PRKDC: variants seen among roughly 807,000 people sequenced by gnomAD.
The protein encoded by PRKDC is DNA-dependent protein kinase catalytic subunit.
A neutral mutation model predicts 486.9 loss-of-function variants in PRKDC; 82 were observed. That is an observed-to-expected ratio of 0.17 (90% CI 0.14 to 0.20). The LOEUF (loss-of-function observed/expected upper bound fraction) is 0.20. Among genes scored for constraint, PRKDC ranks in the 10% least tolerant of loss-of-function variants. The pLI is 1.00. For missense variants in PRKDC, 4,504 were observed against 5,038.2 expected (o/e 0.89, Z 3.21); for synonymous variants, 1,895 against 1,837.0 (o/e 1.03, Z -0.81).
chr8:47,924,152 C>G (rs2090119356), intron 21 of PRKDC, among the ~76,000 whole-genome samples: 1 of 152,162 alleles, frequency 6.6e-6, no homozygotes, highest in Admixed American at 6.5e-5. Context: ...CCCCATCATG[C>G]TTTGAATAGG....
rs8178236 is a variant in PRKDC, at chr8:47,785,114, G to C, written c.11106C>G (p.Pro3702=). ...VEFLRNELEI[P]GQYDGRGKPL... is the part of the protein sequence containing the mutation. ...TGTCACCCCTGGAGGTTAACTCACC[G>C]GGAATCTCCAGCTCATTTCTCAGGA... Residue 3702 remains proline, a splice_region_variant and synonymous_variant, in exon 77 of 86, where the codon CCC becomes CCG. Transcript: ENST00000314191. The C allele has an allele frequency of 7.0e-5, 113 of 1,613,668 alleles. No homozygotes were observed. Among genetic ancestry groups the C allele is most frequent in the Non-Finnish European group, 9.6e-5 (113 of 1,179,822 alleles).
In PRKDC at chr8:47,807,188, C is replaced by T. The variant is rs751793819; in HGVS notation, c.9696G>A (p.Arg3232=). 2 of 1,613,786 alleles carry T rather than the reference C, an allele frequency of 1.2e-6. No individual in the cohort carries two copies. Among genetic ancestry groups the T allele is most frequent in the African/African-American group, 1.3e-5 (1 of 74,940 alleles). ...EQEEDISSLI[R]SCKFSMKMKM... ...TCATTTTCATGGAAAACTTGCAACT[C>T]CTGATCAGGGAGCTGATATCTTCTT... The change falls in exon 69 of 86, where the codon AGG becomes AGA. Residue 3232 remains arginine, a synonymous_variant. Coordinates refer to ENST00000314191, the MANE Select transcript of PRKDC (RefSeq NM_006904.7).
intron 33 of PRKDC, 53 bp downstream of exon 33, chr8:47,888,961 T>C (rs2089395282): frequency 6.5e-7 from 1 of 1,545,578 alleles, no homozygotes; most frequent in African/African-American, 1.4e-5. Flanking sequence ...GGCAACATAC[T>C]AGGGCCTGAA....
intron 81 of PRKDC, 91 bp downstream of exon 81, chr8:47,778,913 T>C: frequency 2.1e-6 from 3 of 1,432,362 alleles, no homozygotes; most frequent in South Asian, 1.3e-5. Context: ...CTTGATGATC[T>C]CTCTGAGGCA....
chr8:47,788,814 CATTT>C, intron 76 of PRKDC, 88 bp downstream of exon 76: 1 of 1,205,942 alleles, frequency 8.3e-7, no homozygotes. Context: ...TTAATGATTA[CATTT>C]AATACAAATA....
intron 40 of PRKDC, among the ~76,000 whole-genome samples, chr8:47,866,114 C>T (rs1369886809): frequency 6.8e-6 from 1 of 146,000 alleles, no homozygotes; most frequent in Non-Finnish European, 1.5e-5. Context: ...TGAGATCACA[C>T]CATTGTACTC....
rs8178120 is a variant in PRKDC, at chr8:47,877,834, T to C, written c.5253A>G (p.Glu1751=). Residue 1751 remains glutamate (E), a synonymous_variant, in exon 40 of 86, where the codon GAA becomes GAG. Coordinates refer to ENST00000314191, the MANE Select transcript of PRKDC (RefSeq NM_006904.7). ...DCMKKFLDAL[E]LSQSPMLLEL... is the part of the protein sequence containing the mutation. Reference sequence around the variant, plus strand: ...CCAACAACATAGGGCTTTGAGATAATTCCAATGCATCTAGAAACTAGAAAA... The same window carrying C: ...CCAACAACATAGGGCTTTGAGATAACTCCAATGCATCTAGAAACTAGAAAA... The C allele has an allele frequency of 1.1e-4, 168 of 1,527,010 alleles. No individual in the cohort carries two copies. The highest frequency in any genetic ancestry group is 1.5e-4 in the Non-Finnish European group (167 of 1,134,658). The allele number at this position is 1,527,010 out of a possible 1,614,324, so 94.6% of individuals were successfully genotyped here. A position where few individuals can be genotyped will look rare whatever the true frequency, so the allele number is the denominator to read the frequency against.
At chr8:47,919,169 C>G (rs1427649924) in intron 21 of PRKDC, among the ~76,000 whole-genome samples, 3 of 152,186 alleles carry the variant, frequency 2.0e-5, no homozygotes. Context: ...ACTCCGAGTT[C>G]AGCATTCACC....
intron 2 of PRKDC, 43 bp downstream of exon 2, chr8:47,957,312 C>CCTCTTA: frequency 6.3e-7 from 1 of 1,583,508 alleles, no homozygotes; most frequent in Non-Finnish European, 8.6e-7. Flanking sequence ...AGGAGTCACT[C>CCTCTTA]CAGGAATATA....
chr8:47,876,916 G>A (rs1376888677), intron 40 of PRKDC, among the ~76,000 whole-genome samples: 3 of 152,130 alleles, frequency 2.0e-5, no homozygotes, highest in Non-Finnish European at 4.4e-5. Flanking sequence ...CATGCACATG[G>A]CTAGTCAATC....
At chr8:47,923,333 G>T (rs757595676) in intron 21 of PRKDC, among the ~76,000 whole-genome samples, 1 of 152,184 alleles carries the variant, frequency 6.6e-6, no homozygotes, top group Non-Finnish European at 1.5e-5. Context: ...TTACAGGCGT[G>T]AGCCACTGTG....
At position 47,940,861 on chromosome 8, in the gene PRKDC, T is replaced by C. The variant is rs186093090; in HGVS notation, c.967-1164A>G. Among the ~76,000 whole-genome samples, 551 of 152,276 alleles carry C rather than the reference T, an allele frequency of 3.6e-3. 5 individuals carry two copies. The highest frequency in any genetic ancestry group is 0.014 in the Middle Eastern group (4 of 294). On this transcript the variant is annotated intron_variant, in intron 10 of 85. Transcript: ENST00000314191. ...CACTGAAAATTAATCACACAGATGTTGGCCGGGCGCAGTAGCTCACGCCTG... is the reference window on the plus strand; with the variant it reads ...CACTGAAAATTAATCACACAGATGTCGGCCGGGCGCAGTAGCTCACGCCTG...
At chr8:47,815,364 A>G (rs2087421327) in intron 68 of PRKDC, among the ~76,000 whole-genome samples, 1 of 152,208 alleles carries the variant, frequency 6.6e-6, no homozygotes, top group Non-Finnish European at 1.5e-5. Flanking sequence ...GGCTAGATAG[A>G]TATCTATATG....
intron 9 of PRKDC, 27 bp downstream of exon 9, chr8:47,943,826 T>C: frequency 6.5e-7 from 1 of 1,527,880 alleles, no homozygotes; most frequent in Non-Finnish European, 8.9e-7. Context: ...TCTAAAATAT[T>C]ATACCTCATT....
chr8:47,849,085 G>A, intron 54 of PRKDC, 69 bp downstream of exon 54: 1 of 1,544,402 alleles, frequency 6.5e-7, no homozygotes, highest in Admixed American at 1.9e-5. Context: ...TTCTTGAGTT[G>A]GAGACGTCTT....
chr8:47,818,308 C>T (rs184087674), intron 67 of PRKDC, among the ~76,000 whole-genome samples: 42 of 152,110 alleles, frequency 2.8e-4, no homozygotes, highest in Admixed American at 2.4e-3. Context: ...TGGCCAGGCA[C>T]GGTGGCTCAT....
chr8:47,882,212 T>G (rs1469787223), intron 36 of PRKDC, 115 bp from the exon 37 acceptor site: 29 of 972,508 alleles, frequency 3.0e-5, no homozygotes, highest in Non-Finnish European at 4.4e-5. Flanking sequence ...ATTTCTATAA[T>G]AGATGTTTAT....
rs750050656 is a variant in PRKDC at position 47,807,345 on chromosome 8, G to A, written c.9558-19C>T. 2 of 1,518,868 alleles carry A rather than the reference G, an allele frequency of 1.3e-6. No individual in the cohort carries two copies. Among genetic ancestry groups the A allele is most frequent in the East Asian group, 4.7e-5 (2 of 42,836 alleles). 94.1% of individuals were successfully genotyped at this position (1,518,868 alleles called of 1,614,324 possible). A position where few individuals can be genotyped will look rare whatever the true frequency, so the allele number is the denominator to read the frequency against. On this transcript the variant is annotated intron_variant, in intron 68 of 85. Coordinates refer to ENST00000314191, the MANE Select transcript of PRKDC (RefSeq NM_006904.7). ...GAAACATCTACACAAAGAAAAATGA[G>A]ACAATGTCACAGACTCAGGAATAGG...
rs1357951054 is a variant in PRKDC, at chr8:47,777,785, G to A, written c.11943C>T (p.Tyr3981=). The part of the protein sequence containing the change: ...MLPMKETGLM[Y]SIMVHALRAF... ...CCCGGAGTGCGTGTACCATGATGCT[G>A]TACATAAGGCCCGTTTCTTTCATTG... is the stretch of plus-strand genomic sequence containing the variant. The change falls in exon 84 of 86, where the codon TAC becomes TAT. Residue 3981 remains tyrosine (Y), a synonymous_variant. Coordinates refer to ENST00000314191, the MANE Select transcript of PRKDC (RefSeq NM_006904.7). 1 of 1,613,992 alleles carries A rather than the reference G, an allele frequency of 6.2e-7. No homozygotes were observed. The highest frequency in any genetic ancestry group is 2.2e-5 in the East Asian group (1 of 44,882).
Sources: gnomAD v4.1 joint callset for allele counts (sites outside exome capture counted in the v4.1 genomes callset) on GRCh38, gnomAD v4.1.1 for gene constraint, MANE v1.5 for transcripts, NCBI Gene and HGNC (gene_info 2026-07-23, HGNC 2026-07-21) for gene names.